RNF183: variants seen among roughly 807,000 people sequenced by gnomAD.
RNF183 encodes the protein E3 ubiquitin-protein ligase RNF183.
A neutral mutation model predicts 9.0 loss-of-function variants in RNF183; 4 were observed. The observed-to-expected ratio is 0.44, with a 90% CI of 0.22 to 1.01. The LOEUF (loss-of-function observed/expected upper bound fraction) is 1.01. Ranked by LOEUF, RNF183 falls within the 50% of genes least tolerant of loss-of-function variation. The pLI is 0.25. For synonymous variants in RNF183, 102 were observed against 107.5 expected (o/e 0.95, Z 0.32); for missense variants, 227 against 253.6 (o/e 0.89, Z 0.71).
intron 3 of RNF183, among the ~76,000 whole-genome samples, chr9:113,300,338 G>T (rs1336402391): frequency 2.0e-5 from 3 of 152,190 alleles, no homozygotes; most frequent in Non-Finnish European, 4.4e-5. Flanking sequence ...CTCTAGCCCA[G>T]GTGCTGTGCA....
Position 113,297,692 on chromosome 9 carries a change from A to G in RNF183, c.493T>C (p.Tyr165His). 1 of 1,614,090 alleles carries G rather than the reference A, an allele frequency of 6.2e-7. No homozygotes were observed. Among genetic ancestry groups the G allele is most frequent in the Middle Eastern group, 1.6e-4 (1 of 6,062 alleles). ...ACACTGAGGATGACGGCCATCAGGT[A>G]GGCAAAGATGCGGAACTGAGGGTTG... ...FRNPQFRIFA[Y>H]LMAVILSVTL... Residue 165 changes from tyrosine (Y) to histidine (H), a missense_variant, in exon 5 of 5, where the codon TAC becomes CAC. Physicochemically the swap from Tyr to His is moderately conservative, Grantham distance 83. Coordinates refer to ENST00000489339, the MANE Select transcript of RNF183 (RefSeq NM_001371237.1).
chr9:113,298,194 C>A lies in RNF183; in HGVS notation c.-10G>T. On this transcript the variant is annotated 5_prime_UTR_variant, in exon 5 of 5. Transcript: ENST00000489339. This position sits in a 1 kb window ranked among gnomAD's most constrained non-coding sequence, Gnocchi z 4.9. Reference sequence around the variant, plus strand: ...CCTGCTGCTCAGCCATCCTCAGCCACACACGGGGAGGCTTCGCGGGAGACG... The same window carrying A: ...CCTGCTGCTCAGCCATCCTCAGCCAAACACGGGGAGGCTTCGCGGGAGACG... 1 of 1,605,720 alleles carries A rather than the reference C, an allele frequency of 6.2e-7. No homozygotes were observed. The highest frequency in any genetic ancestry group is 8.5e-7 in the Non-Finnish European group (1 of 1,175,048).
intron 4 of RNF183, 195 bp downstream of exon 4, chr9:113,299,377 C>T (rs987290534): frequency 5.9e-5 from 9 of 152,218 alleles, no homozygotes; most frequent in African/African-American, 1.9e-4. Context: ...TTCTGGGCTT[C>T]CTCTCTCTGG....
At chr9:113,299,802 C>G (rs550937913) in intron 3 of RNF183, 27 bp from the exon 4 acceptor site, 1 of 152,118 alleles carries the variant, frequency 6.6e-6, no homozygotes, top group Non-Finnish European at 1.5e-5. Context: ...GTTTAAAAAC[C>G]AATTCTCCAT....
At position 113,297,834 on chromosome 9, in the gene RNF183, C is replaced by T. The variant is rs751853949; in HGVS notation, c.351G>A (p.Thr117=). Residue 117 remains threonine (T), a synonymous_variant, in exon 5 of 5, where the codon ACG becomes ACA. Coordinates refer to ENST00000489339, the MANE Select transcript of RNF183 (RefSeq NM_001371237.1). Reference sequence around the variant, plus strand: ...CCCCAGGCTGGGGGCCAAGGTCCAGCGTGTAGACTTGAGGCTGGCGCAGGA... The same window carrying T: ...CCCCAGGCTGGGGGCCAAGGTCCAGTGTGTAGACTTGAGGCTGGCGCAGGA... ...RYFLRQPQVY[T]LDLGPQPGGQ... 1.3e-5 allele frequency: 21 copies of T among 1,610,496 alleles called. No homozygotes were observed. The highest frequency in any genetic ancestry group is 2.2e-5 in the South Asian group (2 of 90,740).
At chr9:113,299,143 C>T (rs1832838541) in intron 4 of RNF183, 5 of 152,252 alleles carry the variant, frequency 3.3e-5, no homozygotes. Context: ...AGTCGGCAGC[C>T]TCTTGAGCAC....
chr9:113,297,690 G>A lies in RNF183; in HGVS notation c.495C>T (p.Tyr165=). 2.5e-6 allele frequency: 4 copies of A among 1,614,044 alleles called. No homozygotes were observed. Among genetic ancestry groups the A allele is most frequent in the Middle Eastern group, 1.6e-4 (1 of 6,062 alleles). The change falls in exon 5 of 5, where the codon TAC becomes TAT. Residue 165 remains tyrosine, a synonymous_variant. Transcript: ENST00000489339. ...TGACACTGAGGATGACGGCCATCAG[G>A]TAGGCAAAGATGCGGAACTGAGGGT... ...FRNPQFRIFA[Y]LMAVILSVTL...
Position 113,298,153 on chromosome 9 carries a change from G to A in RNF183, c.32C>T (p.Ala11Val), listed in dbSNP as rs1198933773. The A allele has an allele frequency of 6.2e-7, 1 of 1,613,438 alleles. No individual in the cohort carries two copies. The highest frequency in any genetic ancestry group is 1.7e-5 in the Admixed American group (1 of 59,978). ...GGGGTTCCAGCAGACGGGGCACTCA[G>A]CCTCAAGCTCCCGGCCCTGCTGCTC... Reference protein sequence around the residue: MAEQQGRELEAECPVCWNPFN... With the variant: MAEQQGRELEVECPVCWNPFN... The change falls in exon 5 of 5, where the codon GCT (alanine) becomes GTT (valine). Residue 11 changes from alanine to valine, a missense_variant. By Grantham distance (64) the Ala-to-Val change is moderately conservative. Coordinates refer to ENST00000489339, the MANE Select transcript of RNF183 (RefSeq NM_001371237.1). This position sits in a 1 kb window ranked among gnomAD's most constrained non-coding sequence, Gnocchi z 4.9.
intron 1 of RNF183, among the ~76,000 whole-genome samples, 157 bp from the exon 2 acceptor site, chr9:113,302,470 C>A (rs914797046): frequency 3.3e-5 from 5 of 152,200 alleles, no homozygotes; most frequent in Admixed American, 1.3e-4. Flanking sequence ...TGTTTTCAAC[C>A]AAGAACTGGC....
rs185036233 is a variant in RNF183, at chr9:113,297,317, C to T, written c.*289G>A. On this transcript the variant is annotated 3_prime_UTR_variant, in exon 5 of 5. Transcript: ENST00000489339. ...AGTCAGGTTCCTGGATACCACTGTG[C>T]AGCCCTTTGGCACAACTTGCTGTGG... The T allele has an allele frequency of 5.5e-4, 130 of 236,210 alleles. No homozygotes were observed. Among genetic ancestry groups the T allele is most frequent in the South Asian group, 1.4e-4 (1 of 7,172 alleles). The allele number at this position is 236,210 out of a possible 1,614,324, so 14.6% of individuals were successfully genotyped here. A position where few individuals can be genotyped will look rare whatever the true frequency, so the allele number is the denominator to read the frequency against.
chr9:113,298,415 C>T lies in RNF183; in HGVS notation c.-37-194G>A, dbSNP rs1832808584. 1 of 559,326 alleles carries T rather than the reference C, an allele frequency of 1.8e-6. No individual in the cohort carries two copies. The highest frequency in any genetic ancestry group is 3.3e-5 in the Admixed American group (1 of 30,478). 34.6% of individuals were successfully genotyped at this position (559,326 alleles called of 1,614,324 possible). ...AATGCTCCTACAGCCTCCCCTCTGT[C>T]AAGGTGAAGGCCTGGGCCACCCCTA... On this transcript the variant is annotated intron_variant, in intron 4 of 4. Transcript: ENST00000489339. The surrounding 1 kb of genome is among the most constrained non-coding windows in gnomAD (Gnocchi z 4.9).
At position 113,303,310 on chromosome 9, in the gene RNF183, G is replaced by A. The variant is rs2118721335; in HGVS notation, c.-695C>T. On this transcript the variant is annotated 5_prime_UTR_variant, in exon 1 of 5. Coordinates refer to ENST00000489339, the MANE Select transcript of RNF183 (RefSeq NM_001371237.1). ...GAGTCACTCTGGCTTTTTCTCTGAG[G>A]GGATCAAGTGCGCTCATCCTTGCAG... 6.5e-6 allele frequency: 1 copy of A among 152,886 alleles called. No homozygotes were observed. Among genetic ancestry groups the A allele is most frequent in the South Asian group, 2.1e-4 (1 of 4,826 alleles). The allele number at this position is 152,886 out of a possible 1,614,324, so 9.5% of individuals were successfully genotyped here. A position where few individuals can be genotyped will look rare whatever the true frequency, so the allele number is the denominator to read the frequency against.
intron 3 of RNF183, among the ~76,000 whole-genome samples, chr9:113,301,300 C>T (rs2118710004): frequency 6.6e-6 from 1 of 152,294 alleles, no homozygotes; most frequent in South Asian, 2.1e-4. Context: ...GATGGTAGAG[C>T]CTGCTACATG....
rs951262360 is a variant in RNF183, at chr9:113,298,378, C to T, written c.-37-157G>A. Reference sequence around the variant, plus strand: ...TCTTGATCACCAGTTCCTAACCCATCGAGTTGAGTCAAATGCTCCTACAGC... The same window carrying T: ...TCTTGATCACCAGTTCCTAACCCATTGAGTTGAGTCAAATGCTCCTACAGC... On this transcript the variant is annotated intron_variant, in intron 4 of 4. Transcript: ENST00000489339. This position sits in a 1 kb window ranked among gnomAD's most constrained non-coding sequence, Gnocchi z 4.9. 25 of 589,064 alleles carry T rather than the reference C, an allele frequency of 4.2e-5. No individual in the cohort carries two copies. Among genetic ancestry groups the T allele is most frequent in the South Asian group, 3.5e-4 (17 of 48,578 alleles). The allele number at this position is 589,064 out of a possible 1,614,324, so 36.5% of individuals were successfully genotyped here. A position where few individuals can be genotyped will look rare whatever the true frequency, so the allele number is the denominator to read the frequency against.
At position 113,303,127 on chromosome 9, in the gene RNF183, T is replaced by C. The variant is rs1247910799; in HGVS notation, c.-512A>G. 1 of 152,670 alleles carries C rather than the reference T, an allele frequency of 6.6e-6. No individual in the cohort carries two copies. Among genetic ancestry groups the C allele is most frequent in the Non-Finnish European group, 1.5e-5 (1 of 68,350 alleles). 9.5% of individuals were successfully genotyped at this position (152,670 alleles called of 1,614,324 possible). A position where few individuals can be genotyped will look rare whatever the true frequency, so the allele number is the denominator to read the frequency against. ...CACGCATGTGCTTTGTTTTCTGACT[T>C]CCCAGGCCCGATTTCCAGGTAGCGT... On this transcript the variant is annotated 5_prime_UTR_variant, in exon 1 of 5. Coordinates refer to ENST00000489339, the MANE Select transcript of RNF183 (RefSeq NM_001371237.1).
Position 113,303,171 on chromosome 9 carries a change from T to A in RNF183, c.-556A>T, listed in dbSNP as rs1307513505. The A allele has an allele frequency of 6.5e-6, 1 of 153,040 alleles. No individual in the cohort carries two copies. The highest frequency in any genetic ancestry group is 2.1e-4 in the South Asian group (1 of 4,850). 9.5% of individuals were successfully genotyped at this position (153,040 alleles called of 1,614,324 possible). A position where few individuals can be genotyped will look rare whatever the true frequency, so the allele number is the denominator to read the frequency against. On this transcript the variant is annotated 5_prime_UTR_variant, in exon 1 of 5. The change abolishes an upstream ATG in the 5' untranslated region. Coordinates refer to ENST00000489339, the MANE Select transcript of RNF183 (RefSeq NM_001371237.1). ...GTAGCGTGGGTGGGTCTTATTTGCATAGGTCTTAGCAGCGTTTGGCCAGCT... is the reference window on the plus strand; with the variant it reads ...GTAGCGTGGGTGGGTCTTATTTGCAAAGGTCTTAGCAGCGTTTGGCCAGCT...
Position 113,298,440 on chromosome 9 carries a change from A to G in RNF183, c.-37-219T>C. 1.9e-6 allele frequency: 1 copy of G among 523,150 alleles called. No individual in the cohort carries two copies. Among genetic ancestry groups the G allele is most frequent in the Non-Finnish European group, 3.4e-6 (1 of 295,072 alleles). The allele number at this position is 523,150 out of a possible 1,614,324, so 32.4% of individuals were successfully genotyped here. Reference sequence around the variant, plus strand: ...CAAGGTGAAGGCCTGGGCCACCCCTACCAAGAGCCCCCAAGAGAGCCGGCA... The same window carrying G: ...CAAGGTGAAGGCCTGGGCCACCCCTGCCAAGAGCCCCCAAGAGAGCCGGCA... On this transcript the variant is annotated intron_variant, in intron 4 of 4. Coordinates refer to ENST00000489339, the MANE Select transcript of RNF183 (RefSeq NM_001371237.1). This position sits in a 1 kb window ranked among gnomAD's most constrained non-coding sequence, Gnocchi z 4.9.
Position 113,298,240 on chromosome 9 carries a change from G to A in RNF183, c.-37-19C>T. 3.4e-6 allele frequency: 5 copies of A among 1,458,070 alleles called. No individual in the cohort carries two copies. Among genetic ancestry groups the A allele is most frequent in the Non-Finnish European group, 4.7e-6 (5 of 1,055,796 alleles). The allele number at this position is 1,458,070 out of a possible 1,614,324, so 90.3% of individuals were successfully genotyped here. Reference sequence around the variant, plus strand: ...AGACGTCCTGGCAGAAGGGGGAAAGGAGCAAAGGAACAGCCATGAAGTCCC... The same window carrying A: ...AGACGTCCTGGCAGAAGGGGGAAAGAAGCAAAGGAACAGCCATGAAGTCCC... On this transcript the variant is annotated intron_variant, in intron 4 of 4. Transcript: ENST00000489339. The surrounding 1 kb of genome is among the most constrained non-coding windows in gnomAD (Gnocchi z 4.9).
chr9:113,297,505 A>G lies in RNF183; in HGVS notation c.*101T>C. 1.3e-6 allele frequency: 1 copy of G among 768,940 alleles called. No homozygotes were observed. The highest frequency in any genetic ancestry group is 2.1e-6 in the Non-Finnish European group (1 of 477,620). The allele number at this position is 768,940 out of a possible 1,614,324, so 47.6% of individuals were successfully genotyped here. The stretch of plus-strand genomic sequence containing the variant: ...GCCTGAACAATCCCTGGATTGTAAA[A>G]TAAACAACACTACAAAGGAAGACAA... On this transcript the variant is annotated 3_prime_UTR_variant, in exon 5 of 5. Transcript: ENST00000489339.
Sources: allele counts gnomAD v4.1 joint callset (sites outside exome capture counted in the v4.1 genomes callset), GRCh38; gene constraint gnomAD v4.1.1; non-coding constraint Gnocchi (gnomAD v3.1); transcripts MANE v1.5; gene names NCBI Gene and HGNC (gene_info 2026-07-23, HGNC 2026-07-21).